PTGER4: variants seen among roughly 807,000 people sequenced by gnomAD.
PTGER4 encodes the protein prostaglandin E receptor 4, also known as prostaglandin E2 receptor EP4 subtype.
PTGER4 carries 11 observed loss-of-function variants against 33.2 expected under a neutral mutation model. That is an observed-to-expected ratio of 0.33 (90% CI 0.21 to 0.55). PTGER4 has a LOEUF of 0.55. Ranked by LOEUF, PTGER4 falls within the 20% of genes least tolerant of loss-of-function variation. The probability of loss-of-function intolerance (pLI) is 0.92; values close to 1 mark genes in which losing one functional copy is unlikely to be tolerated. For synonymous variants in PTGER4, 275 were observed against 281.5 expected (o/e 0.98, Z 0.23); for missense variants, 481 against 650.2 (o/e 0.74, Z 2.83).
the PTGER4 span, among the ~76,000 whole-genome samples, chr5:40,743,943 A>G: frequency 2.0e-5 from 3 of 152,236 alleles, no homozygotes; most frequent in Non-Finnish European, 4.4e-5. Context: ...ATACAGGCAG[A>G]AAACAAGAGT....
chr5:40,708,517 C>T, the PTGER4 span, among the ~76,000 whole-genome samples: 16 of 152,080 alleles, frequency 1.1e-4, no homozygotes, highest in South Asian at 4.2e-4. Context: ...CAATAACAGG[C>T]TCTGAAATTG....
chr5:40,744,002 TCAGAGGGAATCCGATGGCAATAACAGAA>T, the PTGER4 span, among the ~76,000 whole-genome samples: 3 of 152,230 alleles, frequency 2.0e-5, no homozygotes, highest in Non-Finnish European at 4.4e-5. Flanking sequence ...CACAGGAAAT[TCAGAGGGAATCCGATGGCAATAACAGAA>T]CAGCTTTTCC....
chr5:40,742,278 T>C, the PTGER4 span, among the ~76,000 whole-genome samples: 3 of 152,106 alleles, frequency 2.0e-5, no homozygotes, highest in African/African-American at 4.8e-5. Context: ...AGTGAAGAAA[T>C]ATATAGCCAA....
At chr5:40,695,165 C>T (rs768128058), downstream of PTGER4, among the ~76,000 whole-genome samples, 1 of 152,188 alleles carries the variant, frequency 6.6e-6, no homozygotes, top group Non-Finnish European at 1.5e-5. Flanking sequence ...AATCTCAACA[C>T]TTTGGGAGGC....
the PTGER4 span, chr5:40,746,697 TA>T: frequency 1.1e-6 from 1 of 913,032 alleles, no homozygotes; most frequent in Non-Finnish European, 1.6e-6. Flanking sequence ...AATAGATTTT[TA>T]AACATGAATT....
the PTGER4 span, among the ~76,000 whole-genome samples, chr5:40,728,635 T>C: frequency 1.3e-4 from 20 of 152,306 alleles, no homozygotes; most frequent in African/African-American, 2.4e-4. Flanking sequence ...TAAGAAATTA[T>C]AGTTCTCTTT....
chr5:40,726,917 T>C, the PTGER4 span, among the ~76,000 whole-genome samples: 1 of 152,174 alleles, frequency 6.6e-6, no homozygotes, highest in African/African-American at 2.4e-5. Flanking sequence ...TTTCCAACTC[T>C]GGTATGATTT....
chr5:40,713,486 A>G, the PTGER4 span, among the ~76,000 whole-genome samples: 1 of 152,198 alleles, frequency 6.6e-6, no homozygotes, highest in Admixed American at 6.5e-5. Context: ...AAAATTTTGT[A>G]TGTAGGCCCC....
chr5:40,739,161 G>C, the PTGER4 span, among the ~76,000 whole-genome samples: 1 of 152,116 alleles, frequency 6.6e-6, no homozygotes, highest in Non-Finnish European at 1.5e-5. Flanking sequence ...CAAAAACACA[G>C]TTAAGGACTT....
the PTGER4 span, among the ~76,000 whole-genome samples, chr5:40,738,266 G>A: frequency 6.6e-6 from 1 of 151,588 alleles, no homozygotes; most frequent in Non-Finnish European, 1.5e-5. Context: ...TCAAAAATTA[G>A]CCAGGCATAG....
the PTGER4 span, chr5:40,714,386 T>C: frequency 6.6e-6 from 1 of 152,182 alleles, no homozygotes. Flanking sequence ...GTACTTTAAA[T>C]ATATTAAGTT....
intron 2 of PTGER4, among the ~76,000 whole-genome samples, chr5:40,689,119 C>CT (rs1440734862): frequency 2.6e-5 from 4 of 152,206 alleles, no homozygotes; most frequent in African/African-American, 9.7e-5. Context: ...AATATTCACT[C>CT]TAAGTGGAAT....
the PTGER4 span, among the ~76,000 whole-genome samples, chr5:40,705,533 T>C: frequency 3.0e-4 from 46 of 152,048 alleles, no homozygotes; most frequent in South Asian, 4.2e-4. Context: ...ACAGAGTAAA[T>C]AGACAACCTA....
chr5:40,723,174 C>A, the PTGER4 span, among the ~76,000 whole-genome samples: 1 of 152,080 alleles, frequency 6.6e-6, no homozygotes, highest in Non-Finnish European at 1.5e-5. Context: ...TGTGTCCACT[C>A]AGGGTTAAAT....
chr5:40,687,657 GAAGT>G (rs1262289439), intron 2 of PTGER4, among the ~76,000 whole-genome samples: 1 of 152,166 alleles, frequency 6.6e-6, no homozygotes, highest in Non-Finnish European at 1.5e-5. Context: ...TTCCCTACTT[GAAGT>G]AAGTCTCAAT....
chr5:40,705,185 C>G, the PTGER4 span, among the ~76,000 whole-genome samples: 1 of 151,976 alleles, frequency 6.6e-6, no homozygotes, highest in African/African-American at 2.4e-5. Context: ...TCTATGAGCA[C>G]CTGATCTTTG....
chr5:40,746,705 A>T, the PTGER4 span: 3 of 956,352 alleles, frequency 3.1e-6, no homozygotes, highest in African/African-American at 5.0e-5. Context: ...TTTAAACATG[A>T]ATTTATCAAA....
At position 40,692,548 on chromosome 5, in the gene PTGER4, G is replaced by T; in HGVS notation, c.*170G>T. The stretch of plus-strand genomic sequence containing the variant: ...TTTTCAAACAATCAAGTTGACTCAC[G>T]TGGGTCCTGAGGCCTGCAGCACGTC... On this transcript the variant is annotated 3_prime_UTR_variant, in exon 3 of 3. Coordinates refer to ENST00000302472, the MANE Select transcript of PTGER4 (RefSeq NM_000958.3). The T allele has an allele frequency of 7.0e-7, 1 of 1,420,058 alleles. No individual in the cohort carries two copies. The allele number at this position is 1,420,058 out of a possible 1,614,324, so 88.0% of individuals were successfully genotyped here.
At chr5:40,734,960 T>C in the PTGER4 span, among the ~76,000 whole-genome samples, 1 of 152,182 alleles carries the variant, frequency 6.6e-6, no homozygotes, top group African/African-American at 2.4e-5. Flanking sequence ...AAGGTCTTCC[T>C]AGGAACGCAT....
Sources: allele counts gnomAD v4.1 joint callset (sites outside exome capture counted in the v4.1 genomes callset), GRCh38; gene constraint gnomAD v4.1.1; transcripts MANE v1.5; gene names NCBI Gene and HGNC (gene_info 2026-07-23, HGNC 2026-07-21).